IQCJ: variants seen among roughly 807,000 people sequenced by gnomAD.
The protein encoded by IQCJ is IQ motif containing J, also known as IQ domain-containing protein J.
A neutral mutation model predicts 11.0 loss-of-function variants in IQCJ; 9 were observed. The observed-to-expected ratio is 0.82, with a 90% CI of 0.49 to 1.43. IQCJ has a LOEUF of 1.43. Among genes scored for constraint, IQCJ ranks in the 40% most tolerant of loss-of-function variants. The pLI is 0.00. For synonymous variants in IQCJ, 55 were observed against 51.3 expected (o/e 1.07, Z -0.31); for missense variants, 146 against 133.2 (o/e 1.10, Z -0.47).
chr3:159,242,765 G>A (rs942345629), intron 1 of IQCJ, among the ~76,000 whole-genome samples: 3 of 151,736 alleles, frequency 2.0e-5, no homozygotes, highest in Non-Finnish European at 2.9e-5. Context: ...GACTATATTT[G>A]GGGGCAGGAA....
intron 1 of IQCJ, among the ~76,000 whole-genome samples, chr3:159,173,279 A>G (rs78946720): frequency 0.039 from 5,925 of 152,252 alleles, 372 homozygotes; most frequent in African/African-American, 0.14. Flanking sequence ...TCATTTTTAT[A>G]GTTTATTTTC....
At chr3:159,173,568 C>A (rs1346425357) in intron 1 of IQCJ, among the ~76,000 whole-genome samples, 1 of 152,112 alleles carries the variant, frequency 6.6e-6, no homozygotes, top group Non-Finnish European at 1.5e-5. Context: ...CTCTTATGCA[C>A]CTACAAATGT....
chr3:159,240,985 C>T (rs1270086438), intron 1 of IQCJ, among the ~76,000 whole-genome samples: 1 of 152,200 alleles, frequency 6.6e-6, no homozygotes, highest in Non-Finnish European at 1.5e-5. Flanking sequence ...AATGCTATGG[C>T]TCATCTTAGA....
intron 1 of IQCJ, among the ~76,000 whole-genome samples, chr3:159,151,237 G>A (rs1043240032): frequency 1.3e-5 from 2 of 152,216 alleles, no homozygotes; most frequent in Non-Finnish European, 2.9e-5. Context: ...TAGCCTGGTG[G>A]CGTGGGGAGC....
intron 1 of IQCJ, among the ~76,000 whole-genome samples, chr3:159,203,847 T>G (rs1343056677): frequency 6.6e-6 from 1 of 152,174 alleles, no homozygotes; most frequent in Non-Finnish European, 1.5e-5. Flanking sequence ...GGGAGGATAT[T>G]CAGTCCTTGT....
Position 159,263,250 on chromosome 3 carries a change from C to T in IQCJ, c.*519C>T. ...GACAATGTGACACCATGTGGCGATA[C>T]AGGCAGGCATGGCCAAATGTGATTT... On this transcript the variant is annotated 3_prime_UTR_variant, in exon 4 of 4. Transcript: ENST00000397832. 1 of 322,324 alleles carries T rather than the reference C, an allele frequency of 3.1e-6. No homozygotes were observed. Among genetic ancestry groups the T allele is most frequent in the Non-Finnish European group, 4.5e-6 (1 of 223,782 alleles). 20.0% of individuals were successfully genotyped at this position (322,324 alleles called of 1,614,324 possible).
chr3:159,128,581 C>A lies in IQCJ; in HGVS notation c.9+59140C>A, dbSNP rs374938076. Among the ~76,000 whole-genome samples the A allele has an allele frequency of 2.2e-4, 34 of 152,164 alleles. No homozygotes were observed. In the East Asian group the frequency reaches 3.3e-3, roughly 15 times the overall value. Reference sequence around the variant, plus strand: ...CTTTTTGTAGTGCTGATACGCATGCCCCTCGTTTCTAGACTGACCTCCCCT... The same window carrying A: ...CTTTTTGTAGTGCTGATACGCATGCACCTCGTTTCTAGACTGACCTCCCCT... On this transcript the variant is annotated intron_variant, in intron 1 of 3. Coordinates refer to ENST00000397832, the MANE Select transcript of IQCJ (RefSeq NM_001042706.3).
intron 3 of IQCJ, among the ~76,000 whole-genome samples, chr3:159,254,974 A>T (rs1229795010): frequency 4.6e-5 from 7 of 152,228 alleles, no homozygotes; most frequent in African/African-American, 7.2e-5. Context: ...TTGCCCCATG[A>T]TGCACCAAGC....
At chr3:159,123,851 T>A (rs566630957) in intron 1 of IQCJ, among the ~76,000 whole-genome samples, 2 of 152,200 alleles carry the variant, frequency 1.3e-5, no homozygotes, top group South Asian at 4.1e-4. Flanking sequence ...ATTAGGAACT[T>A]CATCTAGATT....
intron 1 of IQCJ, among the ~76,000 whole-genome samples, chr3:159,195,701 C>T (rs1335108014): frequency 1.3e-5 from 2 of 152,216 alleles, no homozygotes; most frequent in East Asian, 3.8e-4. Context: ...TATAGACCAG[C>T]TTAATCTTCC....
At chr3:159,180,796 A>T (rs956336627) in intron 1 of IQCJ, among the ~76,000 whole-genome samples, 3 of 152,044 alleles carry the variant, frequency 2.0e-5, no homozygotes, top group East Asian at 1.9e-4. Flanking sequence ...TCTATCTGAT[A>T]TAGCCACATT....
chr3:159,127,305 G>A (rs1719732441), intron 1 of IQCJ, among the ~76,000 whole-genome samples: 1 of 152,136 alleles, frequency 6.6e-6, no homozygotes, highest in Non-Finnish European at 1.5e-5. Flanking sequence ...GGTTGGCAAG[G>A]GCACAGGCTT....
intron 1 of IQCJ, among the ~76,000 whole-genome samples, chr3:159,111,334 A>G (rs1718617871): frequency 6.6e-6 from 1 of 152,200 alleles, no homozygotes; most frequent in Non-Finnish European, 1.5e-5. Flanking sequence ...TATCATATTG[A>G]ACATACTTGT....
intron 1 of IQCJ, among the ~76,000 whole-genome samples, chr3:159,232,639 C>A (rs1003593517): frequency 3.3e-5 from 5 of 151,778 alleles, no homozygotes; most frequent in Non-Finnish European, 7.4e-5. Context: ...GTTTTACTTC[C>A]AATTATGTGG....
At chr3:159,121,878 A>G (rs1719401013) in intron 1 of IQCJ, among the ~76,000 whole-genome samples, 1 of 152,220 alleles carries the variant, frequency 6.6e-6, no homozygotes, top group Non-Finnish European at 1.5e-5. Context: ...CTTAGAAAAC[A>G]ATGTACTTGA....
At chr3:159,094,705 A>G (rs1299982338) in intron 1 of IQCJ, among the ~76,000 whole-genome samples, 1 of 151,750 alleles carries the variant, frequency 6.6e-6, no homozygotes, top group Non-Finnish European at 1.5e-5. Flanking sequence ...TGAGATTAGA[A>G]TTGGTAAAAG....
chr3:159,137,264 A>G (rs1720344351), intron 1 of IQCJ, among the ~76,000 whole-genome samples: 1 of 108,494 alleles, frequency 9.2e-6, no homozygotes, highest in Non-Finnish European at 1.8e-5. Context: ...TCCATCTTGG[A>G]AAAAAAAAAA....
intron 1 of IQCJ, among the ~76,000 whole-genome samples, chr3:159,241,817 T>C (rs1726939522): frequency 6.6e-6 from 1 of 152,224 alleles, no homozygotes; most frequent in Non-Finnish European, 1.5e-5. Context: ...CCATGGTGCC[T>C]ACAATGTAGT....
intron 1 of IQCJ, among the ~76,000 whole-genome samples, chr3:159,196,773 T>C (rs931725874): frequency 6.6e-6 from 1 of 152,194 alleles, no homozygotes; most frequent in Non-Finnish European, 1.5e-5. Context: ...CACTGAGATG[T>C]TATGTAACTT....
Sources: allele counts gnomAD v4.1 joint callset (sites outside exome capture counted in the v4.1 genomes callset), GRCh38; gene constraint gnomAD v4.1.1; transcripts MANE v1.5; gene names NCBI Gene and HGNC (gene_info 2026-07-23, HGNC 2026-07-21).